KIAA1217: variants seen among roughly 807,000 people sequenced by gnomAD.
KIAA1217 encodes the protein sickle tail protein homolog.
In KIAA1217, 88 loss-of-function variants were observed where a neutral mutation model predicts 163.9. That is an observed-to-expected ratio of 0.54 (90% confidence interval 0.45 to 0.64). The LOEUF is 0.64. Among genes scored for constraint, KIAA1217 ranks in the 30% least tolerant of loss-of-function variants. KIAA1217 has a pLI of 0.00. For synonymous variants in KIAA1217, 903 were observed against 923.1 expected (o/e 0.98, Z 0.39); for missense variants, 2,372 against 2,475.0 (o/e 0.96, Z 0.88).
At chr10:24,008,653 G>A (rs1053698661) in intron 2 of KIAA1217, among the ~76,000 whole-genome samples, 8 of 152,022 alleles carry the variant, frequency 5.3e-5, no homozygotes, top group Non-Finnish European at 1.0e-4. Flanking sequence ...CTCAGCTCCC[G>A]GTGATTTACC....
chr10:23,706,813 T>C (rs1338508226), intron 1 of KIAA1217, among the ~76,000 whole-genome samples: 1 of 152,082 alleles, frequency 6.6e-6, no homozygotes, highest in Non-Finnish European at 1.5e-5. Flanking sequence ...TTGGGACATG[T>C]AAGATGAAGG....
intron 2 of KIAA1217, among the ~76,000 whole-genome samples, chr10:24,114,054 G>A (rs987525804): frequency 1.3e-5 from 2 of 152,102 alleles, no homozygotes; most frequent in South Asian, 4.1e-4. Flanking sequence ...AATCTACATC[G>A]GCAAAAGGGA....
chr10:24,519,975 A>AC (rs1200953397), intron 10 of KIAA1217, 148 bp from the exon 11 acceptor site: 2 of 828,080 alleles, frequency 2.4e-6, no homozygotes, highest in South Asian at 1.8e-5. Flanking sequence ...AAGATGAGCG[A>AC]CCCCCCTCCA....
chr10:24,266,496 T>G (rs1424437970), intron 2 of KIAA1217, among the ~76,000 whole-genome samples: 1 of 152,272 alleles, frequency 6.6e-6, no homozygotes, highest in South Asian at 2.1e-4. Flanking sequence ...CTGGGTAGAA[T>G]GGGGACTTGG....
chr10:24,211,819 T>C (rs1357982223), intron 1 of KIAA1217, among the ~76,000 whole-genome samples: 2 of 151,774 alleles, frequency 1.3e-5, no homozygotes, highest in African/African-American at 2.4e-5. Flanking sequence ...CAGCAGATTC[T>C]AGGTGTATAT....
chr10:24,092,010 A>T (rs973300149), intron 2 of KIAA1217, among the ~76,000 whole-genome samples: 1 of 151,702 alleles, frequency 6.6e-6, no homozygotes, highest in African/African-American at 2.4e-5. Context: ...CTACCTTTTT[A>T]TCAAAAGCCA....
chr10:24,545,174 C>A, intron 20 of KIAA1217, 71 bp downstream of exon 20: 1 of 1,591,542 alleles, frequency 6.3e-7, no homozygotes, highest in South Asian at 1.1e-5. Context: ...TTAGTTTATA[C>A]CAAATATTGT....
upstream of KIAA1217, among the ~76,000 whole-genome samples, chr10:24,207,035 G>C (rs2067589119): frequency 6.6e-6 from 1 of 152,210 alleles, no homozygotes. Context: ...TTTTCTGCCT[G>C]GGTTGAGCTA....
At chr10:24,270,758 G>A (rs1024175509) in intron 2 of KIAA1217, among the ~76,000 whole-genome samples, 1 of 152,014 alleles carries the variant, frequency 6.6e-6, no homozygotes, top group Non-Finnish European at 1.5e-5. Flanking sequence ...TGTTACCCAG[G>A]CTGGTCTCGA....
intron 1 of KIAA1217, among the ~76,000 whole-genome samples, chr10:23,739,306 A>C (rs1838977564): frequency 6.6e-6 from 1 of 152,172 alleles, no homozygotes; most frequent in Non-Finnish European, 1.5e-5. Flanking sequence ...TGGGTGATCG[A>C]TACACTAAAA....
In KIAA1217 at chr10:23,853,923, T is replaced by C. The variant is rs985275603; in HGVS notation, c.-320-153302T>C. On this transcript the variant is annotated intron_variant, in intron 1 of 18. Transcript: ENST00000376462. Reference sequence around the variant, plus strand: ...TCTCTCTTTTCTTCTTTATTAGTCTTGCTAGCAGTCTATCAATTTTGTTGA... The same window carrying C: ...TCTCTCTTTTCTTCTTTATTAGTCTCGCTAGCAGTCTATCAATTTTGTTGA... Among the ~76,000 whole-genome samples, 11 of 152,168 alleles carry C rather than the reference T, an allele frequency of 7.2e-5. 1 individual carries two copies. Among genetic ancestry groups the C allele is most frequent in the Admixed American group, 7.2e-4 (11 of 15,276 alleles).
At chr10:24,400,642 GCCTATACATTAA>G (rs2056415733) in intron 3 of KIAA1217, among the ~76,000 whole-genome samples, 1 of 152,112 alleles carries the variant, frequency 6.6e-6, no homozygotes, top group South Asian at 2.1e-4. Flanking sequence ...ATCACACCAA[GCCTATACATTAA>G]CCTAAAAGTA....
At chr10:24,184,038 C>T (rs1050835709) in intron 2 of KIAA1217, among the ~76,000 whole-genome samples, 4 of 152,226 alleles carry the variant, frequency 2.6e-5, no homozygotes, top group African/African-American at 4.8e-5. Flanking sequence ...GACACTCACA[C>T]TTTAAACAGC....
chr10:24,112,371 T>C (rs1205039322), intron 2 of KIAA1217, among the ~76,000 whole-genome samples: 4 of 152,204 alleles, frequency 2.6e-5, no homozygotes, highest in Admixed American at 2.0e-4. Context: ...GTTTTATTTC[T>C]GTGCGAACAG....
At chr10:23,718,346 G>A (rs1468704890) in intron 1 of KIAA1217, among the ~76,000 whole-genome samples, 3 of 152,132 alleles carry the variant, frequency 2.0e-5, no homozygotes, top group Non-Finnish European at 4.4e-5. Context: ...ATATTTAAAT[G>A]TAGTTTATAG....
At chr10:24,209,359 G>GC in intron 1 of KIAA1217, 96 bp downstream of exon 1, 3 of 648,874 alleles carry the variant, frequency 4.6e-6, no homozygotes, top group Admixed American at 3.8e-5. Flanking sequence ...ACCCGGCAAA[G>GC]GAAAAAAAAA....
chr10:24,115,856 C>T lies in KIAA1217; in HGVS notation c.-170-103770C>T, dbSNP rs74469842. ...ACAACCCAGGGAACAAATCAGAGTACAGTCATCTTTCCATGGGGGCACTAG... is the reference window on the plus strand; with the variant it reads ...ACAACCCAGGGAACAAATCAGAGTATAGTCATCTTTCCATGGGGGCACTAG... On this transcript the variant is annotated intron_variant, in intron 2 of 18. Coordinates refer to the KIAA1217 transcript ENST00000376462. Among the ~76,000 whole-genome samples the T allele has an allele frequency of 3.6e-3, 543 of 152,306 alleles. 5 individuals are homozygous for T. Among genetic ancestry groups the T allele is most frequent in the African/African-American group, 0.013 (526 of 41,578 alleles).
chr10:23,905,210 G>C (rs71493352), intron 1 of KIAA1217, among the ~76,000 whole-genome samples: 32,281 of 150,150 alleles, frequency 0.21, 3,767 homozygotes, highest in Middle Eastern at 0.31. Context: ...TCTGCAGAGA[G>C]AGTTCTTGGG....
chr10:24,278,910 G>T (rs117454589), intron 2 of KIAA1217, among the ~76,000 whole-genome samples: 2,124 of 149,010 alleles, frequency 0.014, 25 homozygotes, highest in Non-Finnish European at 0.021. Flanking sequence ...AGGCTGGAGT[G>T]CAGCGGCCCA....
Sources: allele counts gnomAD v4.1 joint callset (sites outside exome capture counted in the v4.1 genomes callset), GRCh38; gene constraint gnomAD v4.1.1; transcripts MANE v1.5; gene names NCBI Gene and HGNC (gene_info 2026-07-23, HGNC 2026-07-21).